Variants in RNF207 observed in about 807,000 individuals in gnomAD.
RNF207 encodes ring finger protein 207, also known as OTTHUMG00000001089.
Under a neutral mutation model 79.0 loss-of-function variants are expected in RNF207, and 72 were observed. The ratio of observed to expected loss-of-function variants is 0.91; its 90% CI spans 0.75 to 1.11. RNF207 has a LOEUF of 1.11. Ranked by LOEUF, RNF207 falls within the 50% of genes least tolerant of loss-of-function variation. The pLI is 0.00. For synonymous variants in RNF207, 348 were observed against 366.2 expected (o/e 0.95, Z 0.57); for missense variants, 936 against 855.8 (o/e 1.09, Z -1.17).
At chr1:6,212,082 G>C (rs778682776) in intron 13 of RNF207, 29 bp downstream of exon 13, 4 of 1,577,088 alleles carry the variant, frequency 2.5e-6, no homozygotes, top group African/African-American at 1.4e-5. Context: ...GCCGGAGGGG[G>C]GAGATGTCCT....
Position 6,209,615 on chromosome 1 carries a change from A to C in RNF207, c.753+76A>C, listed in dbSNP as rs578157610. 2.9e-6 allele frequency: 4 copies of C among 1,391,716 alleles called. No homozygotes were observed. The South Asian group carries it at 6.3e-5, about 22-fold the overall frequency. The allele number at this position is 1,391,716 out of a possible 1,614,324, so 86.2% of individuals were successfully genotyped here. Reference sequence around the variant, plus strand: ...CAGGGCTGGTCCCTTGCCCTTGTGGATTTCCAGTGTAGTGGGGCAGCAGGC... The same window carrying C: ...CAGGGCTGGTCCCTTGCCCTTGTGGCTTTCCAGTGTAGTGGGGCAGCAGGC... On this transcript the variant is annotated intron_variant, in intron 7 of 17. Transcript: ENST00000377939.
At position 6,209,141 on chromosome 1, in the gene RNF207, T is replaced by A; in HGVS notation, c.496T>A (p.Phe166Ile). The A allele has an allele frequency of 6.4e-7, 1 of 1,557,664 alleles. No homozygotes were observed. Among genetic ancestry groups the A allele is most frequent in the Non-Finnish European group, 8.7e-7 (1 of 1,150,220 alleles). The change falls in exon 5 of 18, where the codon TTC (phenylalanine) becomes ATC (isoleucine). Residue 166 changes from phenylalanine (F) to isoleucine (I), a missense_variant. Physicochemically the swap from Phe to Ile is conservative, Grantham distance 21 (BLOSUM62 0). Transcript: ENST00000377939. ...GCTGCACGCAGAGCCCTACCTCTTG[T>A]TCTCCACCGACAAGAAGTTGCTGTT... ...CTLHAEPYLL[F>I]STDKKLLLCI...
chr1:6,206,817 G>A, intron 2 of RNF207, 91 bp downstream of exon 2: 1 of 1,069,686 alleles, frequency 9.3e-7, no homozygotes, highest in Non-Finnish European at 1.3e-6. Context: ...GGTGCCAGGA[G>A]AGTAAGGCTC....
rs370300294 is a variant in RNF207 at position 6,210,213 on chromosome 1, C to T, written c.801-10C>T. On this transcript the variant is annotated splice_polypyrimidine_tract_variant and intron_variant, in intron 8 of 17. Coordinates refer to ENST00000377939, the MANE Select transcript of RNF207 (RefSeq NM_207396.3). Reference sequence around the variant, plus strand: ...GGCCCCCTGGAAACCAGGCAGCCCCCCTCCCCCAGCCAATACGAAGAGAAG... The same window carrying T: ...GGCCCCCTGGAAACCAGGCAGCCCCTCTCCCCCAGCCAATACGAAGAGAAG... The T allele has an allele frequency of 1.5e-5, 24 of 1,611,874 alleles. No individual in the cohort carries two copies. Among genetic ancestry groups the T allele is most frequent in the Middle Eastern group, 1.7e-4 (1 of 5,856 alleles).
Position 6,209,359 on chromosome 1 carries a change from T to G in RNF207, c.627+16T>G. On this transcript the variant is annotated intron_variant, in intron 6 of 17. Transcript: ENST00000377939. ...GGCGGTGCTGGTGAGCGCAGGGGCC[T>G]GGCGCGCGGGGCCGCGCGGCGGCGA... 1.3e-6 allele frequency: 2 copies of G among 1,533,432 alleles called. No individual in the cohort carries two copies. The highest frequency in any genetic ancestry group is 1.4e-5 in the African/African-American group (1 of 71,704). 95.0% of individuals were successfully genotyped at this position (1,533,432 alleles called of 1,614,324 possible).
In RNF207 at chr1:6,221,082, T is replaced by G. The variant is rs1380123803; in HGVS notation, c.*1675T>G. On this transcript the variant is annotated 3_prime_UTR_variant, in exon 18 of 18. Coordinates refer to ENST00000377939, the MANE Select transcript of RNF207 (RefSeq NM_207396.3). ...ATTACAACTGGTTAGAGGTAGGAAT[T>G]CAGAAAGAAATTGAGGAGGCCAAAC... is the stretch of plus-strand genomic sequence containing the variant. 6.6e-6 allele frequency: 1 copy of G among 152,248 alleles called. No individual in the cohort carries two copies. Among genetic ancestry groups the G allele is most frequent in the Non-Finnish European group, 1.5e-5 (1 of 68,024 alleles). 9.4% of individuals were successfully genotyped at this position (152,248 alleles called of 1,614,324 possible).
At chr1:6,216,472 G>C (rs1043837083) in intron 16 of RNF207, among the ~76,000 whole-genome samples, 5 of 152,058 alleles carry the variant, frequency 3.3e-5, no homozygotes, top group African/African-American at 1.2e-4. Flanking sequence ...CACTGAGTCT[G>C]CTCTTGCTCC....
intron 10 of RNF207, 49 bp downstream of exon 10, chr1:6,210,487 C>T: frequency 1.4e-6 from 2 of 1,478,998 alleles, no homozygotes; most frequent in East Asian, 4.5e-5. Flanking sequence ...CAGGAGCCCA[C>T]CCTGCAGACC....
rs1216104620 is a variant in RNF207 at position 6,217,453 on chromosome 1, C to G, written c.1653-836C>G. ...CTCCAGACTCATCTCCCACTGCCCC[C>G]TTCCTGGGCAGCCCTACCTGGATGT... is the stretch of plus-strand genomic sequence containing the variant. On this transcript the variant is annotated intron_variant, in intron 16 of 17. Transcript: ENST00000377939. This position sits in a 1 kb window ranked among gnomAD's most constrained non-coding sequence, Gnocchi z 4.2. 2.0e-5 allele frequency among the ~76,000 whole-genome samples: 3 copies of G among 152,196 alleles called. No homozygotes were observed. The highest frequency in any genetic ancestry group is 4.4e-5 in the Non-Finnish European group (3 of 68,034).
rs1322061326 is a variant in RNF207, at chr1:6,206,155, G to A, written c.-148G>A. 2.0e-5 allele frequency: 4 copies of A among 198,904 alleles called. No individual in the cohort carries two copies. Among genetic ancestry groups the A allele is most frequent in the Non-Finnish European group, 4.0e-5 (4 of 99,484 alleles). 12.3% of individuals were successfully genotyped at this position (198,904 alleles called of 1,614,324 possible). ...CCGCGCAGAGTGGGAACCATCGCCCGGTGCGGGCCTGAACTTCCAGGGCCG... is the reference window on the plus strand; with the variant it reads ...CCGCGCAGAGTGGGAACCATCGCCCAGTGCGGGCCTGAACTTCCAGGGCCG... On this transcript the variant is annotated 5_prime_UTR_variant, in exon 1 of 18. Coordinates refer to ENST00000377939, the MANE Select transcript of RNF207 (RefSeq NM_207396.3).
intron 16 of RNF207, among the ~76,000 whole-genome samples, chr1:6,216,616 A>G (rs1242613150): frequency 6.7e-6 from 1 of 148,972 alleles, no homozygotes; most frequent in African/African-American, 2.5e-5. Flanking sequence ...ACTGGAGTGC[A>G]GTGGCGTGAT....
At position 6,217,527 on chromosome 1, in the gene RNF207, C is replaced by T. The variant is rs1055095824; in HGVS notation, c.1653-762C>T. Among the ~76,000 whole-genome samples, 4 of 152,348 alleles carry T rather than the reference C, an allele frequency of 2.6e-5. No individual in the cohort carries two copies. Among genetic ancestry groups the T allele is most frequent in the East Asian group, 1.9e-4 (1 of 5,194 alleles). On this transcript the variant is annotated intron_variant, in intron 16 of 17. Transcript: ENST00000377939. This position sits in a 1 kb window ranked among gnomAD's most constrained non-coding sequence, Gnocchi z 4.2. The stretch of plus-strand genomic sequence containing the variant: ...GTGGCCAGAATGCTTGACGTCCTCC[C>T]GCAGACATGCTATTCCCATCTCCCC...
At chr1:6,213,815 G>A (rs1237979564) in intron 16 of RNF207, among the ~76,000 whole-genome samples, 2 of 152,172 alleles carry the variant, frequency 1.3e-5, no homozygotes, top group African/African-American at 4.8e-5. Flanking sequence ...TGACCAGGCT[G>A]TCTCAGCACT....
intron 17 of RNF207, among the ~76,000 whole-genome samples, chr1:6,218,726 C>T (rs575581979): frequency 3.9e-5 from 6 of 152,322 alleles, no homozygotes; most frequent in East Asian, 1.9e-4. Flanking sequence ...CCAGCGCATG[C>T]GCCCCAGTAC....
Position 6,212,393 on chromosome 1 carries a change from G to T in RNF207, c.1459G>T (p.Gly487Cys), listed in dbSNP as rs1371734944. 6.2e-7 allele frequency: 1 copy of T among 1,611,604 alleles called. No homozygotes were observed. Among genetic ancestry groups the T allele is most frequent in the Non-Finnish European group, 8.5e-7 (1 of 1,178,930 alleles). The change falls in exon 14 of 18, where the codon GGC becomes TGC. Residue 487 changes from glycine (G) to cysteine (C), a missense_variant. Transcript: ENST00000377939. ...QIASEHASLE[G>C]MRVVFQEIWE... ...CGCCTCGGAGCACGCCTCCTTAGAG[G>T]GCATGAGGGTCGTCTTCCAGGAGGT...
In RNF207 at chr1:6,221,072, A is replaced by G. The variant is rs1164181607; in HGVS notation, c.*1665A>G. The G allele has an allele frequency of 6.6e-6, 1 of 152,264 alleles. No individual in the cohort carries two copies. Among genetic ancestry groups the G allele is most frequent in the African/African-American group, 2.4e-5 (1 of 41,442 alleles). 9.4% of individuals were successfully genotyped at this position (152,264 alleles called of 1,614,324 possible). On this transcript the variant is annotated 3_prime_UTR_variant, in exon 18 of 18. Coordinates refer to ENST00000377939, the MANE Select transcript of RNF207 (RefSeq NM_207396.3). ...AGGAATTATCATTACAACTGGTTAG[A>G]GGTAGGAATTCAGAAAGAAATTGAG...
Position 6,209,956 on chromosome 1 carries a change from G to A in RNF207, c.786G>A (p.Leu262=). Residue 262 remains leucine, a synonymous_variant, in exon 8 of 18, where the codon CTG becomes CTA. Transcript: ENST00000377939. The stretch of plus-strand genomic sequence containing the variant: ...TGGCAGAGAGGAAAGCGCTGCTGCT[G>A]CAGGCTGTGCAGAGGTGAGTTGGGG... ...DRLAERKALL[L]QAVQSQYEEK... The A allele has an allele frequency of 6.3e-7, 1 of 1,591,886 alleles. No individual in the cohort carries two copies. The highest frequency in any genetic ancestry group is 8.6e-7 in the Non-Finnish European group (1 of 1,168,824).
rs536660900 is a variant in RNF207, at chr1:6,207,211, C to T, written c.192-168C>T. 2.8e-3 allele frequency among the ~76,000 whole-genome samples: 428 copies of T among 152,298 alleles called. 2 individuals carry two copies. The highest frequency in any genetic ancestry group is 5.0e-3 in the Non-Finnish European group (339 of 68,022). On this transcript the variant is annotated intron_variant, in intron 2 of 17. Coordinates refer to ENST00000377939, the MANE Select transcript of RNF207 (RefSeq NM_207396.3). The surrounding 1 kb of genome is among the most constrained non-coding windows in gnomAD (Gnocchi z 4.5). ...GCCCAGGACTGGGCAAGGGTAGGGA[C>T]CAGGGCAGGGTGAGTGCTGGCTGTG...
At position 6,207,345 on chromosome 1, in the gene RNF207, G is replaced by A; in HGVS notation, c.192-34G>A. 6.7e-7 allele frequency: 1 copy of A among 1,501,674 alleles called. No individual in the cohort carries two copies. The highest frequency in any genetic ancestry group is 2.3e-5 in the East Asian group (1 of 43,728). 93.0% of individuals were successfully genotyped at this position (1,501,674 alleles called of 1,614,324 possible). A position where few individuals can be genotyped will look rare whatever the true frequency, so the allele number is the denominator to read the frequency against. On this transcript the variant is annotated intron_variant, in intron 2 of 17. Transcript: ENST00000377939. The surrounding 1 kb of genome is among the most constrained non-coding windows in gnomAD (Gnocchi z 4.5). ...GGGGGTGGGGAGCCCTGGGGAAGGGGTATCAGAATCTCGGGGCCTGGGCTT... is the reference window on the plus strand; with the variant it reads ...GGGGGTGGGGAGCCCTGGGGAAGGGATATCAGAATCTCGGGGCCTGGGCTT...
Sources: gnomAD v4.1 joint callset for allele counts (sites outside exome capture counted in the v4.1 genomes callset) on GRCh38, gnomAD v4.1.1 for gene constraint, Gnocchi (gnomAD v3.1) non-coding constraint, MANE v1.5 for transcripts, NCBI Gene and HGNC (gene_info 2026-07-23, HGNC 2026-07-21) for gene names.